Variants in MOB3B observed in about 807,000 individuals in gnomAD.
MOB3B encodes MOB kinase activator-like 2B.
Under a neutral mutation model 18.7 loss-of-function variants are expected in MOB3B, and 7 were observed. That is an observed-to-expected ratio of 0.37 (90% CI 0.21 to 0.70). The LOEUF is 0.70. MOB3B is among the 30% of genes least tolerant of loss of function. The probability of loss-of-function intolerance (pLI) is 0.52; values close to 1 mark genes in which losing one functional copy is unlikely to be tolerated. For synonymous variants in MOB3B, 111 were observed against 99.9 expected, an observed-to-expected ratio of 1.11 and a Z score of -0.66; for missense variants, 253 against 281.3, an observed-to-expected ratio of 0.90 and a Z score of 0.72.
At chr9:27,505,587 T>TA (rs1820046151) in intron 1 of MOB3B, among the ~76,000 whole-genome samples, 1 of 152,372 alleles carries the variant, frequency 6.6e-6, no homozygotes, top group East Asian at 1.9e-4. Context: ...TTGGGAATGC[T>TA]GTACTAGCTT....
intron 3 of MOB3B, among the ~76,000 whole-genome samples, chr9:27,353,342 A>T (rs1396790642): frequency 2.0e-5 from 3 of 152,190 alleles, no homozygotes; most frequent in African/African-American, 7.2e-5. Context: ...GGTACTAGGC[A>T]CTAATCTTAA....
chr9:27,482,638 G>A (rs1587247623), intron 1 of MOB3B, among the ~76,000 whole-genome samples: 1 of 151,148 alleles, frequency 6.6e-6, no homozygotes, highest in East Asian at 2.1e-4. Flanking sequence ...CTACACCATT[G>A]CCCGTGCTGG....
intron 2 of MOB3B, among the ~76,000 whole-genome samples, chr9:27,383,374 G>A (rs568580450): frequency 6.6e-6 from 1 of 152,158 alleles, no homozygotes; most frequent in Non-Finnish European, 1.5e-5. Flanking sequence ...TTATGAAGTG[G>A]CAGGGTTCAG....
chr9:27,522,266 A>G (rs2484315), intron 1 of MOB3B, among the ~76,000 whole-genome samples: 1 of 122,610 alleles, frequency 8.2e-6, no homozygotes. Flanking sequence ...AAAAAAAAAA[A>G]GAAAAGAAAG....
intron 3 of MOB3B, among the ~76,000 whole-genome samples, chr9:27,347,973 G>A (rs1018622227): frequency 1.3e-5 from 2 of 152,206 alleles, no homozygotes; most frequent in East Asian, 1.9e-4. Context: ...TTCTCAGAAT[G>A]TATTCCCATC....
chr9:27,506,268 T>C (rs917034000), intron 1 of MOB3B, among the ~76,000 whole-genome samples: 1 of 152,196 alleles, frequency 6.6e-6, no homozygotes, highest in East Asian at 1.9e-4. Context: ...ATATCCCCAA[T>C]TAAGAGGCTT....
At chr9:27,364,397 G>C (rs899611211) in intron 2 of MOB3B, among the ~76,000 whole-genome samples, 5 of 152,280 alleles carry the variant, frequency 3.3e-5, no homozygotes, top group African/African-American at 1.2e-4. Context: ...TAAAAAGAGA[G>C]GATTCTGAGA....
intron 1 of MOB3B, among the ~76,000 whole-genome samples, chr9:27,495,033 T>C (rs1005992584): frequency 6.6e-6 from 1 of 152,148 alleles, no homozygotes; most frequent in African/African-American, 2.4e-5. Context: ...AACTGCTATA[T>C]ATTAAAATAA....
chr9:27,427,785 G>A (rs1822358753), intron 2 of MOB3B, among the ~76,000 whole-genome samples: 1 of 152,110 alleles, frequency 6.6e-6, no homozygotes, highest in Non-Finnish European at 1.5e-5. Flanking sequence ...TTCCCATCAT[G>A]CCCTTCAGGA....
chr9:27,465,810 T>A (rs770091308), intron 1 of MOB3B, among the ~76,000 whole-genome samples: 1 of 152,172 alleles, frequency 6.6e-6, no homozygotes, highest in Non-Finnish European at 1.5e-5. Flanking sequence ...CACCCTGAGC[T>A]CTACGTTGGC....
chr9:27,394,844 T>C (rs933329007), intron 2 of MOB3B, among the ~76,000 whole-genome samples: 1 of 152,242 alleles, frequency 6.6e-6, no homozygotes, highest in African/African-American at 2.4e-5. Flanking sequence ...AATCATGTTA[T>C]CTTAAAAGCT....
At chr9:27,387,838 T>C (rs1221562279) in intron 2 of MOB3B, among the ~76,000 whole-genome samples, 1 of 152,032 alleles carries the variant, frequency 6.6e-6, no homozygotes, top group Non-Finnish European at 1.5e-5. Flanking sequence ...ACAAGGACAG[T>C]ACATTAAATG....
At chr9:27,405,478 T>C (rs1186743392) in intron 2 of MOB3B, among the ~76,000 whole-genome samples, 1 of 152,184 alleles carries the variant, frequency 6.6e-6, no homozygotes, top group Non-Finnish European at 1.5e-5. Context: ...ATTTTGGTTA[T>C]TAATCCCTTC....
At chr9:27,441,831 C>T (rs1822599299) in intron 2 of MOB3B, among the ~76,000 whole-genome samples, 1 of 151,838 alleles carries the variant, frequency 6.6e-6, no homozygotes, top group African/African-American at 2.4e-5. Context: ...TCCCTCCCCA[C>T]CCCAGCAGTG....
At chr9:27,426,830 G>A (rs557818877) in intron 2 of MOB3B, among the ~76,000 whole-genome samples, 15 of 152,188 alleles carry the variant, frequency 9.9e-5, no homozygotes, top group African/African-American at 2.9e-4. Flanking sequence ...AATAATCCCC[G>A]CCTCCCACCT....
At chr9:27,342,094 C>T (rs755751421) in intron 3 of MOB3B, among the ~76,000 whole-genome samples, 7 of 152,194 alleles carry the variant, frequency 4.6e-5, no homozygotes, top group Admixed American at 6.5e-5. Flanking sequence ...ATGCCTGTGG[C>T]TGCTTCTGCA....
At chr9:27,332,588 AATCCCAGTTT>A (rs1173630984) in intron 3 of MOB3B, among the ~76,000 whole-genome samples, 1 of 152,212 alleles carries the variant, frequency 6.6e-6, no homozygotes, top group South Asian at 2.1e-4. Context: ...ACAGAGGAAG[AATCCCAGTTT>A]CAGAGCAGAA....
At chr9:27,431,903 T>C (rs528371381) in intron 2 of MOB3B, among the ~76,000 whole-genome samples, 1 of 152,314 alleles carries the variant, frequency 6.6e-6, no homozygotes, top group East Asian at 1.9e-4. Flanking sequence ...CAACTCTGTG[T>C]AGCAAGAGAC....
intron 1 of MOB3B, among the ~76,000 whole-genome samples, chr9:27,523,339 A>G (rs1820369881): frequency 6.6e-6 from 1 of 152,042 alleles, no homozygotes; most frequent in South Asian, 2.1e-4. Context: ...CTACTCACAT[A>G]CCTCCTCAGT....
Sources: gnomAD v4.1 joint callset for allele counts (sites outside exome capture counted in the v4.1 genomes callset) on GRCh38, gnomAD v4.1.1 for gene constraint, MANE v1.5 for transcripts, NCBI Gene and HGNC (gene_info 2026-07-23, HGNC 2026-07-21) for gene names.